Variants in USP7 observed in about 807,000 individuals in gnomAD.
The protein encoded by USP7 is ubiquitin specific peptidase 7.
USP7 carries 9 observed loss-of-function variants against 162.9 expected under a neutral mutation model. The observed-to-expected ratio is 0.06, with a 90% CI of 0.03 to 0.10. The LOEUF (loss-of-function observed/expected upper bound fraction) is 0.10. USP7 is among the 10% of genes least tolerant of loss of function. The pLI is 1.00. For synonymous variants in USP7, 562 were observed against 475.9 expected, an observed-to-expected ratio of 1.18 and a Z score of -2.35; for missense variants, 715 against 1,373.7, an observed-to-expected ratio of 0.52 and a Z score of 7.58.
chr16:8,932,325 G>A (rs1437149805), intron 1 of USP7, among the ~76,000 whole-genome samples: 24 of 152,152 alleles, frequency 1.6e-4, no homozygotes. Flanking sequence ...TAGCACTCTG[G>A]GAGGCAAAGA....
chr16:8,943,763 T>C (rs1456054207), intron 1 of USP7, among the ~76,000 whole-genome samples: 1 of 152,216 alleles, frequency 6.6e-6, no homozygotes, highest in Non-Finnish European at 1.5e-5. Flanking sequence ...GTCCTTTCAC[T>C]CATTTTGAAA....
intron 3 of USP7, among the ~76,000 whole-genome samples, chr16:8,922,507 G>A (rs1440351017): frequency 6.6e-6 from 1 of 152,120 alleles, no homozygotes; most frequent in South Asian, 2.1e-4. Flanking sequence ...TGGGGGATCT[G>A]ACAGAACAGC....
chr16:8,908,197 G>A (rs112322468), intron 12 of USP7, 144 bp downstream of exon 12: 17 of 689,488 alleles, frequency 2.5e-5, no homozygotes, highest in African/African-American at 7.2e-5. Context: ...TTAACACTGC[G>A]GCTCTTGGGA....
chr16:8,904,548 C>A lies in USP7; in HGVS notation c.1591G>T (p.Val531Phe), dbSNP rs752181569. 6.2e-7 allele frequency: 1 copy of A among 1,614,060 alleles called. No individual in the cohort carries two copies. The highest frequency in any genetic ancestry group is 1.1e-5 in the South Asian group (1 of 91,086). ...TGCTGAGGAATATCATGGTCGGTGA[C>A]CGCCTGTAAAACTTCACCTGCAGGA... ...ESKLSEVLQA[V>F]TDHDIPQQLV... The change falls in exon 15 of 31, where the codon GTC becomes TTC. Residue 531 changes from valine to phenylalanine, a missense_variant. Transcript: ENST00000344836.
Position 8,910,798 on chromosome 16 carries a change from C to T in USP7, c.1108G>A (p.Val370Ile), listed in dbSNP as rs1383982134. 6.2e-7 allele frequency: 1 copy of T among 1,614,100 alleles called. No homozygotes were observed. ...TTATTGTCCCCATCGAGCTGTTCTACTGCCACATAATCCACAAATGATTCA... is the reference window on the plus strand; with the variant it reads ...TTATTGTCCCCATCGAGCTGTTCTATTGCCACATAATCCACAAATGATTCA... The part of the protein sequence containing the change: ...IFESFVDYVA[V>I]EQLDGDNKYD... Residue 370 changes from valine (V) to isoleucine (I), a missense_variant, in exon 11 of 31, where the codon GTA becomes ATA. Val to Ile is a conservative substitution (Grantham distance 29). This residue lies in a region of USP7 where 21 missense variants were observed against 23.8 expected (regional missense o/e 0.88). Coordinates refer to ENST00000344836, the MANE Select transcript of USP7 (RefSeq NM_003470.3).
At chr16:8,961,504 AG>A (rs71155425) in intron 1 of USP7, among the ~76,000 whole-genome samples, 2,080 of 60,544 alleles carry the variant, frequency 0.034, 80 homozygotes, top group African/African-American at 0.084. Flanking sequence ...AAAAAAAAAA[AG>A]GGGGGGGGGG....
At position 8,895,012 on chromosome 16, in the gene USP7, G is replaced by A. The variant is rs1164929538; in HGVS notation, c.3039+19C>T. On this transcript the variant is annotated intron_variant, in intron 28 of 30. Transcript: ENST00000344836. ...TCCAGGTTTTGACGTGAGCCACTCG[G>A]CCAACCACAACAGCATACCTGGTGT... 9 of 1,614,064 alleles carry A rather than the reference G, an allele frequency of 5.6e-6. No individual in the cohort carries two copies. In the African/African-American group the frequency reaches 6.7e-5, roughly 12 times the overall value.
intron 1 of USP7, among the ~76,000 whole-genome samples, chr16:8,959,323 A>G (rs115256200): frequency 6.6e-6 from 1 of 151,000 alleles, no homozygotes; most frequent in African/African-American, 2.4e-5. Flanking sequence ...TTTTTACTTA[A>G]TGACCTCTTT....
intron 2 of USP7, chr16:8,929,234 C>T (rs540522002): frequency 3.0e-6 from 1 of 332,552 alleles, no homozygotes; most frequent in African/African-American, 2.2e-5. Context: ...CCGCTTTCGG[C>T]ATCTCAGATG....
intron 25 of USP7, 49 bp from the exon 26 acceptor site, chr16:8,897,148 T>G (rs542016844): frequency 7.1e-7 from 1 of 1,399,216 alleles, no homozygotes; most frequent in Non-Finnish European, 1.0e-6. Context: ...GCATAAAAGG[T>G]CTGCTACCAC....
rs769909734 is a variant in USP7 at position 8,920,452 on chromosome 16, A to G, written c.523-5T>C. ...TTTCTCAGGATCGGTCACTTCCTAT[A>G]AAACATAAATAAGAATATCCAGCTT... On this transcript the variant is annotated splice_region_variant and splice_polypyrimidine_tract_variant and intron_variant, in intron 4 of 30. Coordinates refer to ENST00000344836, the MANE Select transcript of USP7 (RefSeq NM_003470.3). 1 of 1,606,890 alleles carries G rather than the reference A, an allele frequency of 6.2e-7. No homozygotes were observed. The highest frequency in any genetic ancestry group is 1.7e-5 in the Admixed American group (1 of 58,288).
intron 1 of USP7, among the ~76,000 whole-genome samples, chr16:8,955,574 C>T (rs1353924129): frequency 1.3e-5 from 2 of 151,982 alleles, no homozygotes; most frequent in Non-Finnish European, 2.9e-5. Context: ...GGCATGGCGG[C>T]GCGCCCCTGT....
chr16:8,911,102 C>G, intron 10 of USP7, among the ~76,000 whole-genome samples: 1 of 152,208 alleles, frequency 6.6e-6, no homozygotes, highest in East Asian at 1.9e-4. Flanking sequence ...AAAGCACATA[C>G]TGTAAAGCTA....
At chr16:8,921,347 T>C (rs1897680430) in intron 3 of USP7, 52 bp from the exon 4 acceptor site, 1 of 1,590,028 alleles carries the variant, frequency 6.3e-7, no homozygotes, top group Non-Finnish European at 8.6e-7. Flanking sequence ...CCAGATGTTA[T>C]ACATTTTTAA....
intron 1 of USP7, 83 bp downstream of exon 1, chr16:8,963,124 G>T: frequency 1.6e-6 from 2 of 1,235,538 alleles, no homozygotes; most frequent in Non-Finnish European, 1.0e-6. Flanking sequence ...AAGATGGCGA[G>T]CCCCTCGCGT....
intron 1 of USP7, chr16:8,936,479 T>C (rs1898731816): frequency 4.1e-6 from 5 of 1,219,396 alleles, no homozygotes; most frequent in Middle Eastern, 2.0e-4. Context: ...AATGTCTAGA[T>C]GTATAGCCCC....
intron 1 of USP7, among the ~76,000 whole-genome samples, chr16:8,939,276 C>T (rs535371437): frequency 2.6e-5 from 4 of 152,208 alleles, no homozygotes; most frequent in Non-Finnish European, 5.9e-5. Flanking sequence ...TGCGTGCTCC[C>T]CCATTATCCC....
chr16:8,896,966 G>T (rs747595064), intron 26 of USP7, 33 bp downstream of exon 26: 1 of 1,551,386 alleles, frequency 6.4e-7, no homozygotes, highest in South Asian at 1.1e-5. Context: ...ACCCCTAACT[G>T]AACGTCCACA....
chr16:8,955,428 A>G (rs1427691878), intron 1 of USP7, among the ~76,000 whole-genome samples: 1 of 152,008 alleles, frequency 6.6e-6, no homozygotes, highest in Admixed American at 6.6e-5. Flanking sequence ...TTGTTTTAAA[A>G]TAGCAATTGC....
Sources: allele counts gnomAD v4.1 joint callset (sites outside exome capture counted in the v4.1 genomes callset), GRCh38; gene constraint gnomAD v4.1.1; regional missense constraint gnomAD v4.1.1; transcripts MANE v1.5; gene names NCBI Gene and HGNC (gene_info 2026-07-23, HGNC 2026-07-21).